Variants in DLC1 observed in about 807,000 individuals in gnomAD.
The protein encoded by DLC1 is DLC1 Rho GTPase activating protein.
DLC1 carries 54 observed loss-of-function variants against 140.3 expected under a neutral mutation model. The observed-to-expected ratio is 0.38, with a 90% CI of 0.31 to 0.48. The LOEUF is 0.48. Among genes scored for constraint, DLC1 ranks in the 20% least tolerant of loss-of-function variants. DLC1 has a pLI of 0.96. For synonymous variants in DLC1, 986 were observed against 728.1 expected (o/e 1.35, Z -5.70); for missense variants, 2,536 against 1,907.0 (o/e 1.33, Z -6.14).
intron 13 of DLC1, among the ~76,000 whole-genome samples, chr8:13,092,137 C>T (rs966466211): frequency 5.2e-4 from 79 of 152,100 alleles, no homozygotes; most frequent in African/African-American, 1.2e-3. Flanking sequence ...CCCAGCTACT[C>T]GGGAGGCTGA....
chr8:13,305,044 C>G (rs1832362563), intron 5 of DLC1: 2 of 1,168,502 alleles, frequency 1.7e-6, no homozygotes, highest in Admixed American at 4.4e-5. Context: ...AGGAAGACCC[C>G]AAGAAACACA....
chr8:13,496,630 G>T (rs1801516903), intron 2 of DLC1, among the ~76,000 whole-genome samples: 1 of 151,340 alleles, frequency 6.6e-6, no homozygotes, highest in South Asian at 2.1e-4. Context: ...ATTAAGATTT[G>T]GCTGTCTATA....
At chr8:13,483,819 C>T (rs1485891689) in intron 2 of DLC1, among the ~76,000 whole-genome samples, 1 of 152,122 alleles carries the variant, frequency 6.6e-6, no homozygotes, top group Non-Finnish European at 1.5e-5. Flanking sequence ...TGGTGGCTCA[C>T]ACCTGTAATC....
intron 4 of DLC1, among the ~76,000 whole-genome samples, chr8:13,386,378 C>G (rs950920837): frequency 2.6e-5 from 4 of 151,898 alleles, no homozygotes; most frequent in African/African-American, 7.3e-5. Context: ...TTGCCAGCCC[C>G]CAAAATTATT....
chr8:13,448,936 A>G (rs1798921585), intron 2 of DLC1, among the ~76,000 whole-genome samples: 1 of 152,250 alleles, frequency 6.6e-6, no homozygotes, highest in East Asian at 1.9e-4. Flanking sequence ...GAGGTTTTGG[A>G]GCATCTGTTC....
At chr8:13,239,982 T>C (rs999523443) in intron 5 of DLC1, among the ~76,000 whole-genome samples, 1 of 152,202 alleles carries the variant, frequency 6.6e-6, no homozygotes, top group Non-Finnish European at 1.5e-5. Context: ...CTCTGCCTGC[T>C]GGAGAGGTAT....
intron 1 of DLC1, among the ~76,000 whole-genome samples, chr8:13,579,323 A>T (rs1395198802): frequency 0.029 from 170 of 5,786 alleles, 28 homozygotes; most frequent in Non-Finnish European, 0.047. Context: ...CTTTATATAT[A>T]TATATATATA....
intron 1 of DLC1, among the ~76,000 whole-genome samples, chr8:13,506,886 A>T (rs1802114607): frequency 6.6e-6 from 1 of 152,036 alleles, no homozygotes; most frequent in East Asian, 1.9e-4. Context: ...CCTTAGTAAG[A>T]TGCATATGTT....
At chr8:13,107,829 G>T (rs1045977165) in intron 7 of DLC1, among the ~76,000 whole-genome samples, 10 of 152,114 alleles carry the variant, frequency 6.6e-5, no homozygotes, top group African/African-American at 2.4e-4. Context: ...AAGGCAGGTG[G>T]ATCAGGAGTT....
chr8:13,498,949 A>G (rs1801640135), intron 2 of DLC1, 100 bp downstream of exon 2: 3 of 1,385,622 alleles, frequency 2.2e-6, no homozygotes. Flanking sequence ...GGGCAAAAGA[A>G]CCATCTTCAT....
At chr8:13,294,129 C>T (rs557501875) in intron 5 of DLC1, among the ~76,000 whole-genome samples, 3 of 152,226 alleles carry the variant, frequency 2.0e-5, no homozygotes, top group South Asian at 4.1e-4. Flanking sequence ...CTCCGCAAAC[C>T]ACTGACCACC....
At chr8:13,528,686 G>A (rs1249550200) in intron 1 of DLC1, among the ~76,000 whole-genome samples, 1 of 152,162 alleles carries the variant, frequency 6.6e-6, no homozygotes, top group Non-Finnish European at 1.5e-5. Context: ...TTGGGGCCTT[G>A]CTGAGCTGCA....
rs187412110 is a variant in DLC1, at chr8:13,103,037, G to A, written c.1503-184C>T. On this transcript the variant is annotated intron_variant, in intron 7 of 17. Transcript: ENST00000276297. ...TCATTTAAAAATACCTTGGCCGGGC[G>A]TGGTGGCTCACGCCTGTAATCCCAG... Among the ~76,000 whole-genome samples, 352 of 152,306 alleles carry A rather than the reference G, an allele frequency of 2.3e-3. 11 individuals are homozygous for A. Among genetic ancestry groups the A allele is most frequent in the Admixed American group, 0.022 (329 of 15,292 alleles).
At chr8:13,401,120 C>G (rs1837275104) in intron 3 of DLC1, among the ~76,000 whole-genome samples, 1 of 152,088 alleles carries the variant, frequency 6.6e-6, no homozygotes, top group South Asian at 2.1e-4. Context: ...GATTTGTGGG[C>G]CAGTCATAGA....
intron 5 of DLC1, among the ~76,000 whole-genome samples, chr8:13,127,571 T>G (rs1315201620): frequency 6.6e-6 from 1 of 152,238 alleles, no homozygotes; most frequent in Non-Finnish European, 1.5e-5. Flanking sequence ...CACTTCAGTT[T>G]CAGCATCTTC....
At chr8:13,231,834 C>T (rs1049188319) in intron 5 of DLC1, among the ~76,000 whole-genome samples, 2 of 152,212 alleles carry the variant, frequency 1.3e-5, no homozygotes, top group Admixed American at 1.3e-4. Flanking sequence ...AAAGCATGGA[C>T]TTAGAACCAT....
intron 1 of DLC1, among the ~76,000 whole-genome samples, chr8:13,583,691 G>A (rs1037164006): frequency 5.3e-5 from 8 of 152,134 alleles, no homozygotes; most frequent in Non-Finnish European, 1.0e-4. Flanking sequence ...ATTCTTTAGC[G>A]AAATATCGAT....
chr8:13,419,335 G>A (rs991166498), intron 2 of DLC1, among the ~76,000 whole-genome samples: 5 of 152,162 alleles, frequency 3.3e-5, no homozygotes, highest in South Asian at 2.1e-4. Flanking sequence ...CATTCAGTAT[G>A]ATATTGGCTG....
At chr8:13,173,867 A>T (rs911716632) in intron 5 of DLC1, among the ~76,000 whole-genome samples, 1 of 152,114 alleles carries the variant, frequency 6.6e-6, no homozygotes, top group Non-Finnish European at 1.5e-5. Flanking sequence ...TTTAAATCTC[A>T]TATTTTATTT....
Sources: gnomAD v4.1 joint callset for allele counts (sites outside exome capture counted in the v4.1 genomes callset) on GRCh38, gnomAD v4.1.1 for gene constraint, MANE v1.5 for transcripts, NCBI Gene and HGNC (gene_info 2026-07-23, HGNC 2026-07-21) for gene names.